Variants in AMPH observed in about 807,000 individuals in gnomAD.
AMPH encodes the protein amphiphysin (Stiff-Mann syndrome with breast cancer 128kD autoantigen).
AMPH carries 49 observed loss-of-function variants against 99.1 expected under a neutral mutation model. That is an observed-to-expected ratio of 0.49 (90% CI 0.39 to 0.63). The LOEUF is 0.63. Ranked by LOEUF, AMPH falls within the 20% of genes least tolerant of loss-of-function variation. The probability of loss-of-function intolerance (pLI) is 0.00; values close to 1 mark genes in which losing one functional copy is unlikely to be tolerated. For missense variants in AMPH, 759 were observed against 863.4 expected, an observed-to-expected ratio of 0.88 and a Z score of 1.52; for synonymous variants, 314 against 317.3, an observed-to-expected ratio of 0.99 and a Z score of 0.11.
intron 1 of AMPH, among the ~76,000 whole-genome samples, chr7:38,620,015 T>C (rs1222903971): frequency 1.3e-5 from 2 of 152,154 alleles, no homozygotes; most frequent in African/African-American, 4.8e-5. Flanking sequence ...GCCATTAAGT[T>C]GGGAGATCCT....
At chr7:38,610,393 GAAAAGAAAAGAAAAGAAAAA>G (rs1793639527) in intron 1 of AMPH, among the ~76,000 whole-genome samples, 4 of 128,328 alleles carry the variant, frequency 3.1e-5, no homozygotes, top group African/African-American at 9.4e-5. Context: ...GAAAAGAAAA[GAAAAGAAAAGAAAAGAAAAA>G]AGAAACTCAG....
chr7:38,558,004 CAA>C (rs11423431), intron 1 of AMPH, among the ~76,000 whole-genome samples: 3 of 134,106 alleles, frequency 2.2e-5, no homozygotes, highest in African/African-American at 5.5e-5. Context: ...AGCCCTGTAT[CAA>C]AAAAAAAAAA....
At chr7:38,466,295 A>G (rs1370662611) in intron 7 of AMPH, 47 bp from the exon 8 acceptor site, 1 of 1,441,860 alleles carries the variant, frequency 6.9e-7, no homozygotes, top group East Asian at 2.4e-5. Flanking sequence ...GGGAAAGACC[A>G]GTCAGTAAAA....
intron 1 of AMPH, among the ~76,000 whole-genome samples, chr7:38,616,432 C>G (rs2129068587): frequency 6.6e-6 from 1 of 152,222 alleles, no homozygotes; most frequent in South Asian, 2.1e-4. Context: ...CTGTTTGGTA[C>G]CATCTCTAAA....
intron 1 of AMPH, among the ~76,000 whole-genome samples, chr7:38,610,318 A>AGG (rs1793610017): frequency 2.5e-5 from 1 of 39,688 alleles, no homozygotes; most frequent in African/African-American, 1.5e-4. Context: ...AAAGAAAAGA[A>AGG]AAGAAAAGAA....
chr7:38,617,655 T>C (rs937750232), intron 1 of AMPH, among the ~76,000 whole-genome samples: 1 of 152,208 alleles, frequency 6.6e-6, no homozygotes, highest in African/African-American at 2.4e-5. Context: ...CTTCCTGCTC[T>C]TCAAGTTTTG....
intron 1 of AMPH, among the ~76,000 whole-genome samples, chr7:38,614,935 A>G (rs1584308696): frequency 6.6e-6 from 1 of 152,190 alleles, no homozygotes; most frequent in African/African-American, 2.4e-5. Flanking sequence ...AGGTAACTGG[A>G]AGGTCCCAGC....
At chr7:38,488,760 C>CTAAAATACTTAAGAA (rs1584157578) in intron 5 of AMPH, among the ~76,000 whole-genome samples, 4 of 151,862 alleles carry the variant, frequency 2.6e-5, no homozygotes, top group African/African-American at 9.7e-5. Flanking sequence ...ATCCAAGATA[C>CTAAAATACTTAAGAA]TAAAATACTT....
rs749093263 is a variant in AMPH at position 38,417,824 on chromosome 7, C to T, written c.1398+1G>A. 1.3e-5 allele frequency: 21 copies of T among 1,613,680 alleles called. No homozygotes were observed. The highest frequency in any genetic ancestry group is 1.7e-5 in the Non-Finnish European group (20 of 1,179,834). ...GAGGGTGAGAGGGAGGTGGTGCTCA[C>T]CACTGCCTCCTCCACTGGCTCCTCA... On this transcript the variant is annotated splice_donor_variant, in intron 17 of 20. Coordinates refer to ENST00000356264, the MANE Select transcript of AMPH (RefSeq NM_001635.4). LOFTEE classifies it high-confidence loss of function.
chr7:38,530,744 A>G (rs1443460471), intron 2 of AMPH, among the ~76,000 whole-genome samples: 1 of 152,176 alleles, frequency 6.6e-6, no homozygotes, highest in East Asian at 1.9e-4. Context: ...TCAGCAGAAA[A>G]CTGGTAGAAC....
chr7:38,420,037 G>A (rs569847746), intron 16 of AMPH, among the ~76,000 whole-genome samples: 1 of 152,250 alleles, frequency 6.6e-6, no homozygotes, highest in African/African-American at 2.4e-5. Context: ...TGCAGCTGTG[G>A]TCTAGTATAA....
At chr7:38,513,030 G>T (rs1789599302) in intron 2 of AMPH, among the ~76,000 whole-genome samples, 1 of 152,182 alleles carries the variant, frequency 6.6e-6, no homozygotes, top group South Asian at 2.1e-4. Flanking sequence ...AGTTTGAAAA[G>T]CAAGGGCCGT....
chr7:38,560,984 C>T (rs577573458), intron 1 of AMPH, among the ~76,000 whole-genome samples: 1 of 152,188 alleles, frequency 6.6e-6, no homozygotes, highest in Non-Finnish European at 1.5e-5. Context: ...CTTTAAAAAC[C>T]CATGCTTTCA....
intron 1 of AMPH, among the ~76,000 whole-genome samples, chr7:38,604,109 T>A (rs1023858226): frequency 6.6e-6 from 1 of 152,210 alleles, no homozygotes; most frequent in African/African-American, 2.4e-5. Flanking sequence ...ATTGTGCCTG[T>A]CTGAAATGGG....
chr7:38,551,016 C>A (rs938136388), intron 1 of AMPH, among the ~76,000 whole-genome samples: 5 of 152,058 alleles, frequency 3.3e-5, no homozygotes, highest in African/African-American at 1.2e-4. Flanking sequence ...TGACCATGAC[C>A]CAAAATGATA....
chr7:38,455,887 G>C (rs979534082), intron 11 of AMPH, among the ~76,000 whole-genome samples: 10 of 152,256 alleles, frequency 6.6e-5, no homozygotes, highest in African/African-American at 2.2e-4. Context: ...GCCAAGAAGG[G>C]AGAGGAGAGG....
chr7:38,462,327 A>G (rs1787480200), intron 10 of AMPH, among the ~76,000 whole-genome samples: 1 of 152,164 alleles, frequency 6.6e-6, no homozygotes, highest in African/African-American at 2.4e-5. Context: ...TCAGGACACA[A>G]CCCCTTTGTA....
chr7:38,425,084 C>T (rs1785734711), intron 15 of AMPH, among the ~76,000 whole-genome samples: 1 of 152,172 alleles, frequency 6.6e-6, no homozygotes, highest in South Asian at 2.1e-4. Flanking sequence ...CACAAATATA[C>T]ACCTTCTGTG....
intron 1 of AMPH, among the ~76,000 whole-genome samples, chr7:38,603,700 G>T (rs1793334580): frequency 6.6e-6 from 1 of 152,162 alleles, no homozygotes; most frequent in South Asian, 2.1e-4. Flanking sequence ...CTGAAACCCA[G>T]CATGCCAAGG....
Sources: gnomAD v4.1 joint callset for allele counts (sites outside exome capture counted in the v4.1 genomes callset) on GRCh38, gnomAD v4.1.1 for gene constraint, MANE v1.5 for transcripts, NCBI Gene and HGNC (gene_info 2026-07-23, HGNC 2026-07-21) for gene names.